Variants in SPATA9 observed in about 807,000 individuals in gnomAD.
The protein encoded by SPATA9 is spermatogenesis-associated protein 9.
SPATA9 carries 27 observed loss-of-function variants against 25.5 expected under a neutral mutation model. The observed-to-expected ratio is 1.06, with a 90% CI of 0.78 to 1.46. The LOEUF is 1.46. Ranked by LOEUF, SPATA9 falls within the 40% of genes most tolerant of loss-of-function variation. The probability of loss-of-function intolerance (pLI) is 0.00; values close to 1 mark genes in which losing one functional copy is unlikely to be tolerated. For synonymous variants in SPATA9, 102 were observed against 105.7 expected (o/e 0.97, Z 0.21); for missense variants, 282 against 297.5 (o/e 0.95, Z 0.38).
chr5:95,671,825 A>G (rs1752408422), intron 3 of SPATA9, among the ~76,000 whole-genome samples: 1 of 152,136 alleles, frequency 6.6e-6, no homozygotes, highest in Non-Finnish European at 1.5e-5. Flanking sequence ...TTCCATACAC[A>G]TGGCAGACTG....
the SPATA9 span, among the ~76,000 whole-genome samples, chr5:95,724,678 C>T: frequency 2.0e-5 from 3 of 152,132 alleles, no homozygotes; most frequent in Admixed American, 2.0e-4. Flanking sequence ...GTTGGCCAGG[C>T]TGGTTTCGAA....
chr5:95,681,831 T>C (rs1580346365), intron 2 of SPATA9, among the ~76,000 whole-genome samples: 2 of 152,234 alleles, frequency 1.3e-5, no homozygotes, highest in African/African-American at 4.8e-5. Flanking sequence ...GTCTGACTTC[T>C]GGATAAGTGG....
intron 3 of SPATA9, among the ~76,000 whole-genome samples, chr5:95,665,115 T>C (rs564364517): frequency 6.6e-6 from 1 of 152,312 alleles, no homozygotes; most frequent in South Asian, 2.1e-4. Context: ...GGAGTACAAT[T>C]TGATGTTCCC....
At chr5:95,689,356 T>C (rs1412481898) in intron 1 of SPATA9, among the ~76,000 whole-genome samples, 2 of 152,210 alleles carry the variant, frequency 1.3e-5, no homozygotes, top group African/African-American at 4.8e-5. Context: ...GATAAATACA[T>C]GAGTAAGGTA....
chr5:95,719,237 G>C, the SPATA9 span, among the ~76,000 whole-genome samples: 2 of 152,200 alleles, frequency 1.3e-5, no homozygotes, highest in Non-Finnish European at 2.9e-5. Flanking sequence ...CAACTGGAGA[G>C]AGACAGACGG....
the SPATA9 span, among the ~76,000 whole-genome samples, chr5:95,725,724 T>G: frequency 6.6e-6 from 1 of 152,226 alleles, no homozygotes; most frequent in Admixed American, 6.5e-5. Context: ...CTCCAACTTC[T>G]TTGTTAGAAT....
intron 2 of SPATA9, among the ~76,000 whole-genome samples, chr5:95,679,799 A>C (rs973426546): frequency 5.3e-5 from 8 of 152,378 alleles, no homozygotes; most frequent in African/African-American, 1.9e-4. Flanking sequence ...CCATTCTACA[A>C]GTCCCAGAAC....
chr5:95,675,381 G>C (rs1277357067), intron 3 of SPATA9, 31 bp downstream of exon 3: 1 of 1,533,134 alleles, frequency 6.5e-7, no homozygotes, highest in Admixed American at 2.1e-5. Flanking sequence ...TCTTAAAAAA[G>C]GGGAATTGTG....
upstream of SPATA9, among the ~76,000 whole-genome samples, chr5:95,684,150 C>T (rs910212190): frequency 2.0e-5 from 3 of 152,214 alleles, no homozygotes; most frequent in Admixed American, 6.5e-5. Context: ...TCATGACTCT[C>T]ATGGTTAAGA....
At chr5:95,696,571 C>T (rs1193179058) in intron 1 of SPATA9, among the ~76,000 whole-genome samples, 2 of 152,148 alleles carry the variant, frequency 1.3e-5, no homozygotes, top group African/African-American at 2.4e-5. Flanking sequence ...CTCTTTGATC[C>T]TACAGCAGCA....
the SPATA9 span, among the ~76,000 whole-genome samples, chr5:95,717,348 T>G: frequency 6.6e-6 from 1 of 152,212 alleles, no homozygotes; most frequent in Non-Finnish European, 1.5e-5. Flanking sequence ...AGCCAATTCC[T>G]TAAAATAAAT....
intron 1 of SPATA9, among the ~76,000 whole-genome samples, chr5:95,696,179 T>C (rs889207101): frequency 2.0e-5 from 3 of 152,220 alleles, no homozygotes; most frequent in East Asian, 1.9e-4. Flanking sequence ...CCAACTAAGC[T>C]GCACCTGGAC....
chr5:95,653,497 C>T (rs1750489417), downstream of SPATA9, among the ~76,000 whole-genome samples: 1 of 152,190 alleles, frequency 6.6e-6, no homozygotes, highest in African/African-American at 2.4e-5. Flanking sequence ...CCTTCTTGAC[C>T]TTGAAATGAA....
At chr5:95,663,877 A>G in intron 4 of SPATA9, 76 bp downstream of exon 4, 3 of 705,146 alleles carry the variant, frequency 4.3e-6, no homozygotes, top group Non-Finnish European at 6.6e-6. Flanking sequence ...TGTACAGTAT[A>G]CTATTGCACA....
At chr5:95,695,502 G>A (rs952349004) in intron 1 of SPATA9, among the ~76,000 whole-genome samples, 3 of 152,140 alleles carry the variant, frequency 2.0e-5, no homozygotes, top group Admixed American at 1.3e-4. Flanking sequence ...GGAGGTTGAG[G>A]CAGGAGAATC....
At chr5:95,652,677 G>C (rs1256212740), downstream of SPATA9, 1 of 242,874 alleles carries the variant, frequency 4.1e-6, no homozygotes, top group African/African-American at 2.2e-5. Context: ...TACCTTTTTA[G>C]TAACATGGAG....
the SPATA9 span, among the ~76,000 whole-genome samples, chr5:95,729,611 AAC>A: frequency 6.6e-6 from 1 of 152,206 alleles, no homozygotes; most frequent in Non-Finnish European, 1.5e-5. Context: ...CACCTCATGC[AAC>A]AGATCTCTGT....
chr5:95,697,955 A>T (rs1042205031), intron 1 of SPATA9, among the ~76,000 whole-genome samples: 11 of 150,260 alleles, frequency 7.3e-5, no homozygotes, highest in Admixed American at 1.3e-4. Flanking sequence ...CATTTCCTTG[A>T]GGCAATCATG....
chr5:95,694,895 C>A (rs1370569628), intron 1 of SPATA9, among the ~76,000 whole-genome samples: 1 of 152,122 alleles, frequency 6.6e-6, no homozygotes, highest in African/African-American at 2.4e-5. Context: ...CCAGCGATGG[C>A]ACCAGAGGAA....
Sources: gnomAD v4.1 joint callset for allele counts (sites outside exome capture counted in the v4.1 genomes callset) on GRCh38, gnomAD v4.1.1 for gene constraint, MANE v1.5 for transcripts, NCBI Gene and HGNC (gene_info 2026-07-23, HGNC 2026-07-21) for gene names.